Variants in RGS22 observed in about 807,000 individuals in gnomAD.
The protein encoded by RGS22 is regulator of G protein signaling 22, also known as regulator of G-protein signaling 22.
RGS22 carries 148 observed loss-of-function variants against 172.9 expected under a neutral mutation model. The ratio of observed to expected loss-of-function variants is 0.86; its 90% CI spans 0.75 to 0.98. The LOEUF (loss-of-function observed/expected upper bound fraction) is 0.98. RGS22 is among the 50% of genes least tolerant of loss of function. The pLI, the probability that RGS22 is intolerant of heterozygous loss-of-function variation, is 0.00. For missense variants in RGS22, 1,347 were observed against 1,440.8 expected, an observed-to-expected ratio of 0.93 and a Z score of 1.05; for synonymous variants, 458 against 480.2, an observed-to-expected ratio of 0.95 and a Z score of 0.60.
intron 2 of RGS22, among the ~76,000 whole-genome samples, chr8:100,101,860 G>A (rs1414710382): frequency 1.4e-5 from 2 of 147,810 alleles, no homozygotes; most frequent in Non-Finnish European, 3.0e-5. Flanking sequence ...ATGAACACAG[G>A]AGCACGAAAC....
intron 20 of RGS22, among the ~76,000 whole-genome samples, chr8:99,993,040 C>A (rs945696657): frequency 6.6e-6 from 1 of 152,070 alleles, no homozygotes; most frequent in African/African-American, 2.4e-5. Context: ...GAAATGAAGG[C>A]AGAAATAAAG....
chr8:100,063,670 TAA>T lies in RGS22; in HGVS notation c.1096_1097del (p.Leu366LysfsTer2), dbSNP rs761670597. On this transcript the variant is annotated frameshift_variant, in exon 8 of 28. Transcript: ENST00000360863. LOFTEE classifies it high-confidence loss of function. ...CFESIHGKNF[L>X]SELVQTTKER... Reference sequence around the variant, plus strand: ...CCTTTGTAGTTTGAACTAATTCACTTAAAAAATTCTTGCCATGAATAGACTCA... The same window carrying T: ...CCTTTGTAGTTTGAACTAATTCACTTAAAATTCTTGCCATGAATAGACTCA... 2.5e-6 allele frequency: 4 copies of T among 1,614,010 alleles called. No homozygotes were observed. In the South Asian group the frequency reaches 4.4e-5, roughly 18 times the overall value.
intron 23 of RGS22, among the ~76,000 whole-genome samples, chr8:99,972,586 G>A (rs569034911): frequency 1.4e-4 from 22 of 152,250 alleles, no homozygotes; most frequent in Non-Finnish European, 3.2e-4. Context: ...CAAAAAGTGG[G>A]CAAAGGATAT....
chr8:99,994,095 G>A (rs952363987), intron 20 of RGS22, among the ~76,000 whole-genome samples: 8 of 152,076 alleles, frequency 5.3e-5, no homozygotes, highest in Non-Finnish European at 1.2e-4. Context: ...CAATAAACTA[G>A]GTATTGATGG....
chr8:100,101,566 T>G (rs1813491684), intron 2 of RGS22, among the ~76,000 whole-genome samples: 1 of 151,500 alleles, frequency 6.6e-6, no homozygotes, highest in Non-Finnish European at 1.5e-5. Context: ...GTGCTGAGAT[T>G]ACAAGCATGA....
At chr8:100,061,308 T>C (rs759319318) in intron 9 of RGS22, among the ~76,000 whole-genome samples, 4 of 152,244 alleles carry the variant, frequency 2.6e-5, no homozygotes, top group East Asian at 1.9e-4. Context: ...AATTGACAAA[T>C]TGGATCTATC....
intron 14 of RGS22, among the ~76,000 whole-genome samples, chr8:100,037,115 T>C (rs3133695): frequency 0.67 from 101,120 of 151,934 alleles, 34,537 homozygotes; most frequent in African/African-American, 0.82. Context: ...GAACCTAAAC[T>C]AATTTAGACA....
At chr8:100,077,772 T>C (rs573193968) in intron 4 of RGS22, among the ~76,000 whole-genome samples, 3 of 152,232 alleles carry the variant, frequency 2.0e-5, no homozygotes, top group South Asian at 4.1e-4. Context: ...TTCCATTTCC[T>C]TACTGATCTG....
chr8:100,033,836 T>C (rs1354595636), intron 14 of RGS22, among the ~76,000 whole-genome samples: 1 of 151,980 alleles, frequency 6.6e-6, no homozygotes, highest in East Asian at 1.9e-4. Context: ...ATGTAATCCA[T>C]CACATAAACA....
chr8:100,034,140 A>G (rs1354424665), intron 14 of RGS22, among the ~76,000 whole-genome samples: 1 of 152,162 alleles, frequency 6.6e-6, no homozygotes, highest in African/African-American at 2.4e-5. Context: ...GAAAGAAATA[A>G]AGGGTATTCA....
chr8:99,983,378 A>G (rs1812751994), intron 21 of RGS22, among the ~76,000 whole-genome samples: 1 of 152,208 alleles, frequency 6.6e-6, no homozygotes, highest in South Asian at 2.1e-4. Flanking sequence ...AGAAATCTCC[A>G]GACTGCTTTC....
intron 14 of RGS22, among the ~76,000 whole-genome samples, chr8:100,028,788 T>C (rs1264208708): frequency 6.6e-6 from 1 of 152,186 alleles, no homozygotes; most frequent in East Asian, 1.9e-4. Flanking sequence ...TTGAATACTA[T>C]AGCAGCCAGG....
At chr8:100,045,397 T>G (rs919751761) in intron 11 of RGS22, among the ~76,000 whole-genome samples, 8 of 152,176 alleles carry the variant, frequency 5.3e-5, no homozygotes, top group African/African-American at 1.9e-4. Flanking sequence ...CAAATTAAAA[T>G]CATCTGCCTC....
rs575941172 is a variant in RGS22 at position 100,069,370 on chromosome 8, T to C, written c.594+1999A>G. The stretch of plus-strand genomic sequence containing the variant: ...GGCTACATAGATGCCATTCCTGATT[T>C]TGTATAGAATTGTGTATTAGAAGTA... On this transcript the variant is annotated intron_variant, in intron 6 of 27. Coordinates refer to ENST00000360863, the MANE Select transcript of RGS22 (RefSeq NM_015668.5). Among the ~76,000 whole-genome samples the C allele has an allele frequency of 2.0e-5, 3 of 152,346 alleles. No homozygotes were observed. The East Asian group carries it at 5.8e-4, about 29-fold the overall frequency.
At chr8:100,068,436 A>T (rs1038552581) in intron 6 of RGS22, among the ~76,000 whole-genome samples, 1 of 152,162 alleles carries the variant, frequency 6.6e-6, no homozygotes, top group African/African-American at 2.4e-5. Flanking sequence ...TACTCAAGTG[A>T]ATACAAATGA....
At chr8:100,074,813 G>T (rs540206088) in intron 4 of RGS22, among the ~76,000 whole-genome samples, 2 of 152,062 alleles carry the variant, frequency 1.3e-5, no homozygotes, top group African/African-American at 4.8e-5. Context: ...TATCGCCCAG[G>T]CTGGAGGGCA....
At chr8:100,074,030 G>T (rs1025952666) in intron 4 of RGS22, among the ~76,000 whole-genome samples, 6 of 151,872 alleles carry the variant, frequency 4.0e-5, no homozygotes, top group African/African-American at 2.4e-5. Flanking sequence ...AACACAAAAA[G>T]AATCTATCTA....
At chr8:100,037,162 G>C (rs116424008) in intron 14 of RGS22, among the ~76,000 whole-genome samples, 7 of 152,178 alleles carry the variant, frequency 4.6e-5, no homozygotes, top group Non-Finnish European at 5.9e-5. Context: ...GTTGGGCATG[G>C]TGGTGCATGC....
In RGS22 at chr8:99,962,303, G is replaced by A. The variant is rs754801348; in HGVS notation, c.*45+91C>T. ...ATTAGTGGGACATGTTATATGTGTG[G>A]TATGCTGTGTGTGTGCATGCGTGCA... On this transcript the variant is annotated intron_variant, in intron 27 of 27. Coordinates refer to ENST00000360863, the MANE Select transcript of RGS22 (RefSeq NM_015668.5). The A allele has an allele frequency of 3.8e-6, 3 of 797,810 alleles. No individual in the cohort carries two copies. In the African/African-American group the frequency reaches 5.1e-5, roughly 14 times the overall value. 49.4% of individuals were successfully genotyped at this position (797,810 alleles called of 1,614,324 possible).
Sources: allele counts gnomAD v4.1 joint callset (sites outside exome capture counted in the v4.1 genomes callset), GRCh38; gene constraint gnomAD v4.1.1; transcripts MANE v1.5; gene names NCBI Gene and HGNC (gene_info 2026-07-23, HGNC 2026-07-21).